ROR2: variants seen among roughly 807,000 people sequenced by gnomAD.
ROR2 encodes the protein ROR family WNT receptor 2, also known as tyrosine-protein kinase transmembrane receptor ROR2.
Under a neutral mutation model 74.9 loss-of-function variants are expected in ROR2, and 33 were observed. The ratio of observed to expected loss-of-function variants is 0.44; its 90% CI spans 0.33 to 0.59. The LOEUF is 0.59. Ranked by LOEUF, ROR2 falls within the 20% of genes least tolerant of loss-of-function variation. The pLI, the probability that ROR2 is intolerant of heterozygous loss-of-function variation, is 0.02. For missense variants in ROR2, 1,216 were observed against 1,313.8 expected (o/e 0.93, Z 1.15); for synonymous variants, 586 against 558.7 (o/e 1.05, Z -0.69).
intron 1 of ROR2, among the ~76,000 whole-genome samples, chr9:91,786,553 C>T (rs761644026): frequency 1.3e-5 from 2 of 152,170 alleles, no homozygotes; most frequent in Non-Finnish European, 2.9e-5. Context: ...GCTACTCCCA[C>T]TGCCCCTCCC....
chr9:91,754,431 C>T (rs894495461), intron 4 of ROR2, among the ~76,000 whole-genome samples: 3 of 151,852 alleles, frequency 2.0e-5, no homozygotes, highest in Non-Finnish European at 2.9e-5. Context: ...CCAAGGTGGA[C>T]GGATCACTTG....
intron 1 of ROR2, among the ~76,000 whole-genome samples, chr9:91,812,691 C>A (rs191523176): frequency 6.6e-6 from 1 of 152,138 alleles, no homozygotes; most frequent in Admixed American, 6.5e-5. Context: ...TCCCTCACAC[C>A]CGTGGGACTT....
chr9:91,798,310 G>A (rs1827246557), intron 1 of ROR2, among the ~76,000 whole-genome samples: 1 of 139,224 alleles, frequency 7.2e-6, no homozygotes. Context: ...CCTGGGATCT[G>A]TGGGTGCGGC....
chr9:91,737,971 AAATGTCAGTG>A (rs1825095858), intron 4 of ROR2, among the ~76,000 whole-genome samples: 1 of 152,182 alleles, frequency 6.6e-6, no homozygotes. Context: ...GGTTATAGAG[AAATGTCAGTG>A]GATGCCAGGG....
At chr9:91,833,857 C>G (rs1226757068) in intron 1 of ROR2, among the ~76,000 whole-genome samples, 1 of 152,180 alleles carries the variant, frequency 6.6e-6, no homozygotes, top group Admixed American at 6.5e-5. Context: ...CGTCCCCTCA[C>G]TGTGTCTGAA....
At chr9:91,736,557 A>G (rs1825031792) in intron 5 of ROR2, among the ~76,000 whole-genome samples, 1 of 152,260 alleles carries the variant, frequency 6.6e-6, no homozygotes, top group African/African-American at 2.4e-5. Context: ...CCATCTGCAC[A>G]GGATGTGTCT....
intron 7 of ROR2, among the ~76,000 whole-genome samples, chr9:91,729,107 T>C (rs1344777248): frequency 1.4e-5 from 2 of 142,414 alleles, no homozygotes; most frequent in African/African-American, 5.1e-5. Flanking sequence ...AAAAAAAAAG[T>C]CTTGTATTTG....
At chr9:91,796,180 G>A (rs1827159352) in intron 1 of ROR2, among the ~76,000 whole-genome samples, 1 of 152,162 alleles carries the variant, frequency 6.6e-6, no homozygotes, top group Admixed American at 6.5e-5. Flanking sequence ...AGTGAATCAT[G>A]CCTGTAATCC....
At chr9:91,753,162 C>T (rs527608196) in intron 4 of ROR2, among the ~76,000 whole-genome samples, 1 of 152,130 alleles carries the variant, frequency 6.6e-6, no homozygotes, top group East Asian at 1.9e-4. Flanking sequence ...CATTCTTTAA[C>T]AAGACATAAC....
intron 1 of ROR2, among the ~76,000 whole-genome samples, chr9:91,853,152 T>C (rs1385057687): frequency 6.6e-6 from 1 of 152,004 alleles, no homozygotes; most frequent in Non-Finnish European, 1.5e-5. Flanking sequence ...ATGCCTGGGG[T>C]TGGGCCTTTG....
intron 2 of ROR2, among the ~76,000 whole-genome samples, chr9:91,769,861 C>T (rs551848219): frequency 6.6e-6 from 1 of 152,314 alleles, no homozygotes; most frequent in Admixed American, 6.5e-5. Flanking sequence ...GCAGAGACCA[C>T]GCCGCCTCAT....
At chr9:91,896,837 G>C (rs1049574816) in intron 1 of ROR2, among the ~76,000 whole-genome samples, 1 of 152,130 alleles carries the variant, frequency 6.6e-6, no homozygotes, top group Non-Finnish European at 1.5e-5. Flanking sequence ...ATAAAGGCCT[G>C]TTCTTTTCCA....
chr9:91,948,829 A>C, intron 1 of ROR2: 1 of 985,440 alleles, frequency 1.0e-6, no homozygotes, highest in Non-Finnish European at 1.2e-6. Flanking sequence ...CCTGGGCCTG[A>C]AGGCCCCGCC....
At chr9:91,777,796 T>C (rs1826470872) in intron 1 of ROR2, among the ~76,000 whole-genome samples, 1 of 152,198 alleles carries the variant, frequency 6.6e-6, no homozygotes, top group Non-Finnish European at 1.5e-5. Flanking sequence ...AATCATATAA[T>C]ATGCAGTATT....
At chr9:91,923,156 C>T (rs1831315525) in intron 1 of ROR2, among the ~76,000 whole-genome samples, 2 of 152,184 alleles carry the variant, frequency 1.3e-5, no homozygotes, top group South Asian at 4.1e-4. Flanking sequence ...AAGTTAGCAG[C>T]CTCTAGGCAC....
At chr9:91,949,205 A>G (rs117356270) in intron 1 of ROR2, among the ~76,000 whole-genome samples, 2,540 of 151,574 alleles carry the variant, frequency 0.017, 204 homozygotes, top group Admixed American at 0.13. Context: ...TCCAGATCAC[A>G]CACCACTTCG....
At chr9:91,763,346 A>T (rs1232285772) in intron 2 of ROR2, among the ~76,000 whole-genome samples, 1 of 152,220 alleles carries the variant, frequency 6.6e-6, no homozygotes, top group Non-Finnish European at 1.5e-5. Context: ...AGGGGAAAAA[A>T]GTATCCACTT....
In ROR2 at chr9:91,735,606, C is replaced by CTTTT. The variant is rs35146225; in HGVS notation, c.622+1781_622+1784dup. On this transcript the variant is annotated intron_variant, in intron 5 of 8. Transcript: ENST00000375708. ...GCACGGTTCCTACTAAGGGCTCTAA[C>CTTTT]TTTTTTTTTTTTTTTTTTTTTTTTT... Among the ~76,000 whole-genome samples, 118 of 79,006 alleles carry CTTTT rather than the reference C, an allele frequency of 1.5e-3. 6 individuals are homozygous for CTTTT. The highest frequency in any genetic ancestry group is 2.3e-3 in the Admixed American group (13 of 5,660). 51.8% of individuals were successfully genotyped at this position (79,006 alleles called of 152,430 possible). A position where few individuals can be genotyped will look rare whatever the true frequency, so the allele number is the denominator to read the frequency against.
chr9:91,735,959 T>G (rs1825009636), intron 5 of ROR2, among the ~76,000 whole-genome samples: 1 of 152,118 alleles, frequency 6.6e-6, no homozygotes, highest in Non-Finnish European at 1.5e-5. Flanking sequence ...AAAATCCAAG[T>G]GCACCGCTTT....
Sources: allele counts gnomAD v4.1 joint callset (sites outside exome capture counted in the v4.1 genomes callset), GRCh38; gene constraint gnomAD v4.1.1; transcripts MANE v1.5; gene names NCBI Gene and HGNC (gene_info 2026-07-23, HGNC 2026-07-21).